CDS1: variants seen among roughly 807,000 people sequenced by gnomAD.
The protein encoded by CDS1 is CDP-diacylglycerol synthase 1.
A neutral mutation model predicts 62.1 loss-of-function variants in CDS1; 41 were observed. The ratio of observed to expected loss-of-function variants is 0.66; its 90% confidence interval spans 0.51 to 0.86. The LOEUF (loss-of-function observed/expected upper bound fraction) is 0.86, where lower values mean the gene tolerates loss of function less well. Ranked by LOEUF, CDS1 falls within the 40% of genes least tolerant of loss-of-function variation. CDS1 has a pLI of 0.00. For synonymous variants in CDS1, 185 were observed against 192.6 expected, an observed-to-expected ratio of 0.96 and a Z score of 0.32; for missense variants, 470 against 550.1, an observed-to-expected ratio of 0.85 and a Z score of 1.46.
chr4:84,584,388 GA>G (rs1321408094), intron 1 of CDS1, among the ~76,000 whole-genome samples: 7 of 152,180 alleles, frequency 4.6e-5, no homozygotes, highest in African/African-American at 1.7e-4. Context: ...CGTCTGTTTA[GA>G]AAATTCCATT....
At chr4:84,606,747 C>G (rs1181864782) in intron 2 of CDS1, among the ~76,000 whole-genome samples, 1 of 152,060 alleles carries the variant, frequency 6.6e-6, no homozygotes, top group Non-Finnish European at 1.5e-5. Context: ...GTGGTGCAGT[C>G]TCAACTCACC....
In CDS1 at chr4:84,618,251, A is replaced by G. The variant is rs988765406; in HGVS notation, c.440+590A>G. Among the ~76,000 whole-genome samples the G allele has an allele frequency of 1.3e-5, 2 of 152,222 alleles. 1 individual carries two copies. Among genetic ancestry groups the G allele is most frequent in the Non-Finnish European group, 2.9e-5 (2 of 68,040 alleles). The stretch of plus-strand genomic sequence containing the variant: ...TTAATATAGTTGATAAATATCAACC[A>G]GGGAGTCAGTGTCTTTTTAAAACAG... On this transcript the variant is annotated intron_variant, in intron 4 of 12. Coordinates refer to ENST00000295887, the MANE Select transcript of CDS1 (RefSeq NM_001263.4).
At chr4:84,590,101 T>G (rs541181635) in intron 1 of CDS1, among the ~76,000 whole-genome samples, 369 of 152,214 alleles carry the variant, frequency 2.4e-3, no homozygotes, top group Non-Finnish European at 3.0e-3. Context: ...ATGAGCCACC[T>G]CACCCAGCCT....
chr4:84,635,625 G>GCCTGCTTTCCTTCCTT (rs1427979604), intron 8 of CDS1, among the ~76,000 whole-genome samples: 1 of 53,516 alleles, frequency 1.9e-5, no homozygotes, highest in African/African-American at 6.1e-5. Flanking sequence ...CTGCCTGCCT[G>GCCTGCTTTCCTTCCTT]CCTTCCTTCC....
chr4:84,621,412 GC>G (rs1217154159), intron 5 of CDS1, among the ~76,000 whole-genome samples: 1 of 152,108 alleles, frequency 6.6e-6, no homozygotes, highest in Admixed American at 6.5e-5. Context: ...TCTTCTTGGT[GC>G]CCCTCAGCTC....
At chr4:84,632,027 A>C in intron 6 of CDS1, 150 bp downstream of exon 6, 1 of 487,162 alleles carries the variant, frequency 2.1e-6, no homozygotes, top group Non-Finnish European at 3.7e-6. Context: ...CATTAGATAT[A>C]AACTATTAAA....
chr4:84,593,134 G>A (rs775778043), intron 1 of CDS1, among the ~76,000 whole-genome samples: 4 of 151,996 alleles, frequency 2.6e-5, no homozygotes, highest in South Asian at 2.1e-4. Context: ...TTGAGGCTTC[G>A]AACAATTCTA....
intron 9 of CDS1, among the ~76,000 whole-genome samples, chr4:84,639,927 C>T (rs1179595973): frequency 1.3e-5 from 2 of 151,854 alleles, no homozygotes; most frequent in Non-Finnish European, 2.9e-5. Flanking sequence ...GATCCAATCT[C>T]ATCCAATGTT....
At chr4:84,615,176 G>A (rs1265207270) in intron 3 of CDS1, among the ~76,000 whole-genome samples, 2 of 151,910 alleles carry the variant, frequency 1.3e-5, no homozygotes, top group East Asian at 1.9e-4. Flanking sequence ...GTGTTATTTT[G>A]TGTTCCCTTT....
intron 5 of CDS1, among the ~76,000 whole-genome samples, chr4:84,631,412 T>C (rs1291604338): frequency 1.3e-5 from 2 of 152,188 alleles, no homozygotes; most frequent in Non-Finnish European, 2.9e-5. Flanking sequence ...CAATAGACTT[T>C]AGCTGTTATA....
In CDS1 at chr4:84,596,454, G is replaced by A. The variant is rs972510850; in HGVS notation, c.118-7789G>A. ...TAGAGGCTAACAGCATGCCTTGGCT[G>A]GTGGCCTCTTACTCCTTGCTCAAAA... On this transcript the variant is annotated intron_variant, in intron 1 of 12. Transcript: ENST00000295887. Among the ~76,000 whole-genome samples the A allele has an allele frequency of 2.6e-5, 4 of 152,268 alleles. 1 individual carries two copies. Among genetic ancestry groups the A allele is most frequent in the Admixed American group, 2.0e-4 (3 of 15,294 alleles).
rs933945129 is a variant in CDS1 at position 84,592,041 on chromosome 4, A to G, written c.117+8523A>G. Among the ~76,000 whole-genome samples, 6 of 151,794 alleles carry G rather than the reference A, an allele frequency of 4.0e-5. No homozygotes were observed. In the East Asian group the frequency reaches 1.2e-3, roughly 29 times the overall value. ...ATCATTAGCCTTTATTTCATTTTAT[A>G]GCTGTTTATACTTTATTTGGTTGAG... is the stretch of plus-strand genomic sequence containing the variant. On this transcript the variant is annotated intron_variant, in intron 1 of 12. Coordinates refer to ENST00000295887, the MANE Select transcript of CDS1 (RefSeq NM_001263.4).
intron 1 of CDS1, among the ~76,000 whole-genome samples, chr4:84,590,759 G>T (rs1722569382): frequency 6.6e-6 from 1 of 152,198 alleles, no homozygotes; most frequent in Admixed American, 6.5e-5. Flanking sequence ...AAGGAACAGG[G>T]AATGGGCTGG....
intron 3 of CDS1, 147 bp downstream of exon 3, chr4:84,609,672 A>T (rs1321986221): frequency 3.3e-6 from 2 of 607,252 alleles, no homozygotes; most frequent in South Asian, 4.3e-5. Flanking sequence ...CTTTTATTTC[A>T]TGATATGATC....
At chr4:84,631,924 C>G in intron 6 of CDS1, 47 bp downstream of exon 6, 1 of 1,403,218 alleles carries the variant, frequency 7.1e-7, no homozygotes, top group Non-Finnish European at 1.0e-6. Context: ...GATAAAAACC[C>G]TTAACTTTTT....
At chr4:84,626,226 C>G (rs144118979) in intron 5 of CDS1, among the ~76,000 whole-genome samples, 10 of 152,030 alleles carry the variant, frequency 6.6e-5, no homozygotes, top group Non-Finnish European at 1.3e-4. Context: ...ACAGGCTGAT[C>G]GTAGAACCCA....
chr4:84,647,761 C>T (rs952177078), intron 12 of CDS1, among the ~76,000 whole-genome samples: 1 of 152,170 alleles, frequency 6.6e-6, no homozygotes, highest in East Asian at 1.9e-4. Context: ...TTCCTCTGCT[C>T]ATCCTCATTG....
chr4:84,637,874 G>C (rs1370838783), intron 8 of CDS1, among the ~76,000 whole-genome samples: 2 of 152,120 alleles, frequency 1.3e-5, no homozygotes, highest in Non-Finnish European at 2.9e-5. Flanking sequence ...CTTCATGGCA[G>C]TGATAGTGAA....
chr4:84,605,673 T>A (rs1160587353), intron 2 of CDS1, among the ~76,000 whole-genome samples: 1 of 152,198 alleles, frequency 6.6e-6, no homozygotes, highest in Non-Finnish European at 1.5e-5. Context: ...CGATGTTCTG[T>A]AAGAATGATG....
Sources: gnomAD v4.1 joint callset for allele counts (sites outside exome capture counted in the v4.1 genomes callset) on GRCh38, gnomAD v4.1.1 for gene constraint, MANE v1.5 for transcripts, NCBI Gene and HGNC (gene_info 2026-07-23, HGNC 2026-07-21) for gene names.